PRKN: variants seen among roughly 807,000 people sequenced by gnomAD.
PRKN encodes parkin RBR E3 ubiquitin protein ligase.
Under a neutral mutation model 59.5 loss-of-function variants are expected in PRKN, and 56 were observed. The ratio of observed to expected loss-of-function variants is 0.94; its 90% CI spans 0.76 to 1.18. PRKN has a LOEUF of 1.18. PRKN is among the 50% of genes most tolerant of loss of function. The pLI is 0.00. For missense variants in PRKN, 657 were observed against 596.4 expected (o/e 1.10, Z -1.06); for synonymous variants, 250 against 222.1 (o/e 1.13, Z -1.12).
intron 1 of PRKN, among the ~76,000 whole-genome samples, chr6:162,671,912 G>A (rs980542211): frequency 3.9e-5 from 6 of 152,110 alleles, no homozygotes; most frequent in Admixed American, 2.0e-4. Context: ...GGGACAGGGA[G>A]GAAGACAGGT....
intron 2 of PRKN, among the ~76,000 whole-genome samples, chr6:162,282,005 T>C (rs1780931741): frequency 1.3e-5 from 2 of 152,092 alleles, no homozygotes; most frequent in African/African-American, 4.8e-5. Flanking sequence ...GGGTTTGCAC[T>C]CCTATGAGAA....
intron 4 of PRKN, among the ~76,000 whole-genome samples, chr6:162,055,637 C>T (rs898579405): frequency 6.6e-6 from 1 of 152,086 alleles, no homozygotes; most frequent in African/African-American, 2.4e-5. Flanking sequence ...ATTGACAGAG[C>T]TTCCAGGAGA....
At chr6:162,080,226 A>G (rs1020726597) in intron 4 of PRKN, among the ~76,000 whole-genome samples, 5 of 152,170 alleles carry the variant, frequency 3.3e-5, no homozygotes, top group Non-Finnish European at 7.3e-5. Context: ...TTCATTATTT[A>G]TATATGAAAT....
At chr6:162,367,362 T>A (rs1489154895) in intron 2 of PRKN, among the ~76,000 whole-genome samples, 1 of 152,198 alleles carries the variant, frequency 6.6e-6, no homozygotes, top group Non-Finnish European at 1.5e-5. Context: ...ACACTGTTTT[T>A]TCGCTTATGC....
At chr6:161,848,989 G>A (rs901021664) in intron 6 of PRKN, among the ~76,000 whole-genome samples, 3 of 146,974 alleles carry the variant, frequency 2.0e-5, no homozygotes, top group African/African-American at 7.9e-5. Context: ...TGAGGAAAGT[G>A]TGTCCCAGTT....
intron 1 of PRKN, among the ~76,000 whole-genome samples, chr6:162,638,372 C>T (rs1269598848): frequency 6.6e-6 from 1 of 152,150 alleles, no homozygotes; most frequent in Non-Finnish European, 1.5e-5. Flanking sequence ...GAAAGCTTAT[C>T]ACCATTAATT....
intron 6 of PRKN, among the ~76,000 whole-genome samples, chr6:161,869,844 T>C (rs73785450): frequency 0.091 from 13,777 of 152,178 alleles, 827 homozygotes; most frequent in African/African-American, 0.16. Flanking sequence ...AAGGGAGAAG[T>C]GAAGGTAGTC....
intron 1 of PRKN, among the ~76,000 whole-genome samples, chr6:162,692,310 A>C (rs1372579842): frequency 6.6e-6 from 1 of 152,208 alleles, no homozygotes; most frequent in African/African-American, 2.4e-5. Context: ...TCTAAAGAAA[A>C]GAAAAGATTG....
intron 6 of PRKN, among the ~76,000 whole-genome samples, chr6:161,803,731 T>C (rs955533472): frequency 2.0e-5 from 3 of 152,186 alleles, no homozygotes; most frequent in Admixed American, 6.5e-5. Context: ...GTGTGACCTA[T>C]TGTCTGTCTC....
intron 7 of PRKN, among the ~76,000 whole-genome samples, chr6:161,740,791 C>A (rs1007362049): frequency 1.3e-5 from 2 of 152,152 alleles, no homozygotes; most frequent in African/African-American, 4.8e-5. Flanking sequence ...TTTATCAGGG[C>A]AATAACTTTT....
At chr6:162,511,331 T>TA (rs1250545556) in intron 1 of PRKN, among the ~76,000 whole-genome samples, 15 of 152,266 alleles carry the variant, frequency 9.9e-5, no homozygotes, top group Admixed American at 8.5e-4. Context: ...TGCCTACTTA[T>TA]AGACATTCTA....
intron 2 of PRKN, among the ~76,000 whole-genome samples, chr6:162,428,773 T>C (rs1156538157): frequency 6.6e-6 from 1 of 152,116 alleles, no homozygotes; most frequent in Non-Finnish European, 1.5e-5. Flanking sequence ...CCCAAACACC[T>C]AGACTAGCCT....
chr6:162,403,581 G>A (rs1787910309), intron 2 of PRKN, among the ~76,000 whole-genome samples: 1 of 152,142 alleles, frequency 6.6e-6, no homozygotes, highest in African/African-American at 2.4e-5. Context: ...TCCATTGTGT[G>A]AAGCTGTAAC....
At chr6:161,894,189 C>T (rs1777522779) in intron 6 of PRKN, among the ~76,000 whole-genome samples, 1 of 152,110 alleles carries the variant, frequency 6.6e-6, no homozygotes. Flanking sequence ...ACCTACCAAC[C>T]CCACCATGAA....
At chr6:162,286,690 A>C (rs1219120250) in intron 2 of PRKN, among the ~76,000 whole-genome samples, 1 of 152,250 alleles carries the variant, frequency 6.6e-6, no homozygotes, top group Non-Finnish European at 1.5e-5. Context: ...GGCATTCATT[A>C]GGAACATAAG....
intron 1 of PRKN, among the ~76,000 whole-genome samples, chr6:162,662,621 G>GT (rs1778933328): frequency 1.3e-5 from 2 of 152,050 alleles, no homozygotes; most frequent in South Asian, 4.1e-4. Context: ...TGTGAGTCCA[G>GT]TTTTCATCCT....
intron 4 of PRKN, among the ~76,000 whole-genome samples, chr6:162,160,473 T>C (rs1782705082): frequency 6.6e-6 from 1 of 152,198 alleles, no homozygotes; most frequent in Non-Finnish European, 1.5e-5. Flanking sequence ...ATGTTCATTA[T>C]GATAGCAGTG....
At chr6:162,621,879 C>T (rs1000287162) in intron 1 of PRKN, among the ~76,000 whole-genome samples, 11 of 151,984 alleles carry the variant, frequency 7.2e-5, no homozygotes, top group African/African-American at 2.4e-4. Flanking sequence ...GCAGTGGCAC[C>T]ATCTCGGCTT....
chr6:162,460,593 T>C (rs1280596389), intron 1 of PRKN, among the ~76,000 whole-genome samples: 2 of 152,204 alleles, frequency 1.3e-5, no homozygotes, highest in Non-Finnish European at 2.9e-5. Flanking sequence ...AATCTCTGTA[T>C]ACCCATCACT....
Sources: allele counts gnomAD v4.1 joint callset (sites outside exome capture counted in the v4.1 genomes callset), GRCh38; gene constraint gnomAD v4.1.1; transcripts MANE v1.5; gene names NCBI Gene and HGNC (gene_info 2026-07-23, HGNC 2026-07-21).